Variants in TMEM117 observed in about 807,000 individuals in gnomAD.
The protein encoded by TMEM117 is transmembrane protein 117.
A neutral mutation model predicts 52.4 loss-of-function variants in TMEM117; 27 were observed. The ratio of observed to expected loss-of-function variants is 0.51; its 90% CI spans 0.38 to 0.71. The LOEUF is 0.71. Ranked by LOEUF, TMEM117 falls within the 30% of genes least tolerant of loss-of-function variation. The pLI is 0.00. For synonymous variants in TMEM117, 215 were observed against 206.3 expected, an observed-to-expected ratio of 1.04 and a Z score of -0.36; for missense variants, 556 against 630.5, an observed-to-expected ratio of 0.88 and a Z score of 1.26.
At chr12:44,108,106 G>T (rs1823117247) in intron 3 of TMEM117, among the ~76,000 whole-genome samples, 2 of 152,100 alleles carry the variant, frequency 1.3e-5, no homozygotes, top group African/African-American at 2.4e-5. Context: ...GTTGACATTT[G>T]ATGAGCACAT....
At chr12:44,145,355 T>TA (rs1172918668) in intron 4 of TMEM117, among the ~76,000 whole-genome samples, 5 of 152,088 alleles carry the variant, frequency 3.3e-5, no homozygotes, top group Non-Finnish European at 7.4e-5. Flanking sequence ...GATAACTAGA[T>TA]TAAGAGTCCA....
At chr12:44,363,109 A>T (rs1267010273) in intron 6 of TMEM117, among the ~76,000 whole-genome samples, 1 of 152,200 alleles carries the variant, frequency 6.6e-6, no homozygotes, top group African/African-American at 2.4e-5. Flanking sequence ...ATTACTTGCC[A>T]TCATGCAAAA....
intron 3 of TMEM117, among the ~76,000 whole-genome samples, chr12:43,972,298 G>A (rs1251455371): frequency 6.6e-6 from 1 of 152,186 alleles, no homozygotes; most frequent in Non-Finnish European, 1.5e-5. Flanking sequence ...GGGGGGTGGG[G>A]ATGTTTCTGT....
intron 4 of TMEM117, among the ~76,000 whole-genome samples, chr12:44,152,615 A>G (rs1196693507): frequency 2.4e-5 from 3 of 126,402 alleles, no homozygotes; most frequent in Non-Finnish European, 4.7e-5. Context: ...ATTTTTATAT[A>G]CATAATATTT....
chr12:44,310,346 G>A (rs1321750747), intron 6 of TMEM117, among the ~76,000 whole-genome samples: 1 of 152,124 alleles, frequency 6.6e-6, no homozygotes, highest in Non-Finnish European at 1.5e-5. Flanking sequence ...CTGATGATAA[G>A]AATCACTGGG....
intron 3 of TMEM117, among the ~76,000 whole-genome samples, chr12:44,061,699 C>T (rs1947140954): frequency 6.6e-6 from 1 of 152,004 alleles, no homozygotes; most frequent in South Asian, 2.1e-4. Flanking sequence ...TAGTGAAGTA[C>T]TAAAACAGTC....
chr12:44,252,024 T>C (rs920090695), intron 5 of TMEM117, among the ~76,000 whole-genome samples: 3 of 152,232 alleles, frequency 2.0e-5, no homozygotes, highest in Non-Finnish European at 4.4e-5. Flanking sequence ...TTACAGCATC[T>C]AGCTCATCCT....
intron 6 of TMEM117, chr12:44,318,465 C>T (rs1951087593): frequency 6.6e-6 from 1 of 151,960 alleles, no homozygotes; most frequent in Admixed American, 6.5e-5. Context: ...CTGCTACACC[C>T]TAATCTATCC....
chr12:44,048,260 C>T (rs1185853760), intron 3 of TMEM117, among the ~76,000 whole-genome samples: 2 of 151,958 alleles, frequency 1.3e-5, no homozygotes, highest in Admixed American at 1.3e-4. Flanking sequence ...TTCATCTTGC[C>T]AAGGGATTAT....
At chr12:44,106,220 G>C (rs886174062) in intron 3 of TMEM117, among the ~76,000 whole-genome samples, 2 of 152,028 alleles carry the variant, frequency 1.3e-5, no homozygotes, top group African/African-American at 4.8e-5. Flanking sequence ...TTAACTTGCT[G>C]TTAGGATGGT....
At chr12:44,261,911 C>G (rs918328510) in intron 5 of TMEM117, among the ~76,000 whole-genome samples, 2 of 152,114 alleles carry the variant, frequency 1.3e-5, no homozygotes, top group Non-Finnish European at 2.9e-5. Context: ...TTGTAATTCT[C>G]TATTGATTTG....
the TMEM117 span, among the ~76,000 whole-genome samples, chr12:43,819,498 G>A: frequency 1.3e-5 from 2 of 152,178 alleles, no homozygotes; most frequent in East Asian, 3.8e-4. Context: ...CAGGCGGCTG[G>A]GCGGGATGGC....
At chr12:43,931,740 C>G (rs994958815) in intron 2 of TMEM117, among the ~76,000 whole-genome samples, 2 of 152,136 alleles carry the variant, frequency 1.3e-5, no homozygotes, top group Non-Finnish European at 2.9e-5. Context: ...ATAATATAAT[C>G]TATCTGAATT....
intron 3 of TMEM117, among the ~76,000 whole-genome samples, chr12:44,105,664 GC>G (rs1285796280): frequency 6.6e-6 from 1 of 151,994 alleles, no homozygotes; most frequent in African/African-American, 2.4e-5. Context: ...CTTGAAAAGT[GC>G]TTTTTAGTCT....
intron 6 of TMEM117, among the ~76,000 whole-genome samples, chr12:44,326,255 T>C (rs1191084101): frequency 1.3e-5 from 2 of 152,220 alleles, no homozygotes; most frequent in Admixed American, 1.3e-4. Context: ...AGCCCAAATA[T>C]GTTATTAATG....
In TMEM117 at chr12:44,096,291, A is replaced by G. The variant is rs185735275; in HGVS notation, c.411-47234A>G. On this transcript the variant is annotated intron_variant, in intron 3 of 7. Coordinates refer to ENST00000266534, the MANE Select transcript of TMEM117 (RefSeq NM_032256.3). ...ATCGTGTAAATGGCCATACTGCCCA[A>G]GGTAATTTATAGATTCAATGCCATC... 7.5e-3 allele frequency among the ~76,000 whole-genome samples: 1,140 copies of G among 152,290 alleles called. 16 individuals carry two copies. The highest frequency in any genetic ancestry group is 0.026 in the African/African-American group (1,099 of 41,552).
chr12:44,320,044 T>A (rs1179511294), intron 6 of TMEM117, among the ~76,000 whole-genome samples: 1 of 152,194 alleles, frequency 6.6e-6, no homozygotes, highest in Non-Finnish European at 1.5e-5. Context: ...TCTGCTGAAT[T>A]TCAGACCTGG....
Position 44,052,366 on chromosome 12 carries a change from C to T in TMEM117, c.411-91159C>T, listed in dbSNP as rs549067367. Among the ~76,000 whole-genome samples, 66 of 152,204 alleles carry T rather than the reference C, an allele frequency of 4.3e-4. 1 individual carries two copies. The South Asian group carries it at 0.011, about 25-fold the overall frequency. ...TCTCAATCCAGTCCAGGGCAATAAT[C>T]CAGCCTCCCAATGCACTGGCTCCTG... On this transcript the variant is annotated intron_variant, in intron 3 of 7. Coordinates refer to ENST00000266534, the MANE Select transcript of TMEM117 (RefSeq NM_032256.3).
At chr12:44,380,528 G>T (rs571045828) in intron 7 of TMEM117, among the ~76,000 whole-genome samples, 3 of 152,194 alleles carry the variant, frequency 2.0e-5, no homozygotes, top group African/African-American at 7.2e-5. Flanking sequence ...GAGCAAAGAG[G>T]TTGGATACAT....
Sources: allele counts gnomAD v4.1 joint callset (sites outside exome capture counted in the v4.1 genomes callset), GRCh38; gene constraint gnomAD v4.1.1; transcripts MANE v1.5; gene names NCBI Gene and HGNC (gene_info 2026-07-23, HGNC 2026-07-21).